The following SLC41A2 variants were observed in gnomAD, a reference collection of about 807,000 sequenced individuals.
SLC41A2 encodes the protein solute carrier family 41 member 2, also known as SLC41A1-like 1.
A neutral mutation model predicts 58.3 loss-of-function variants in SLC41A2; 32 were observed. That is an observed-to-expected ratio of 0.55 (90% CI 0.41 to 0.74). The LOEUF is 0.74. Ranked by LOEUF, SLC41A2 falls within the 30% of genes least tolerant of loss-of-function variation. The pLI, the probability that SLC41A2 is intolerant of heterozygous loss-of-function variation, is 0.00. For synonymous variants in SLC41A2, 190 were observed against 235.0 expected (o/e 0.81, Z 1.75); for missense variants, 514 against 680.6 (o/e 0.76, Z 2.72).
At chr12:104,877,230 G>T (rs2044092632) in intron 6 of SLC41A2, among the ~76,000 whole-genome samples, 1 of 152,196 alleles carries the variant, frequency 6.6e-6, no homozygotes, top group Admixed American at 6.5e-5. Flanking sequence ...GAATTTAAAT[G>T]TGCCTGTTCC....
chr12:104,819,663 C>T (rs2041549541), intron 10 of SLC41A2, among the ~76,000 whole-genome samples: 2 of 152,174 alleles, frequency 1.3e-5, no homozygotes, highest in Admixed American at 6.5e-5. Flanking sequence ...ACTCAGCATC[C>T]ATTCTCACTC....
At chr12:104,841,096 A>AT (rs2042392794) in intron 10 of SLC41A2, among the ~76,000 whole-genome samples, 1 of 152,186 alleles carries the variant, frequency 6.6e-6, no homozygotes, top group African/African-American at 2.4e-5. Context: ...ACCATCACTC[A>AT]GTTTCATCTA....
intron 6 of SLC41A2, 126 bp from the exon 7 acceptor site, chr12:104,866,705 T>C (rs2043483084): frequency 7.0e-6 from 5 of 711,796 alleles, no homozygotes; most frequent in Non-Finnish European, 6.2e-6. Context: ...GCTATACATT[T>C]TCTATAAACT....
chr12:104,891,265 G>T (rs564054102), intron 4 of SLC41A2, among the ~76,000 whole-genome samples: 1 of 151,938 alleles, frequency 6.6e-6, no homozygotes, highest in Non-Finnish European at 1.5e-5. Flanking sequence ...ATGGCAACTA[G>T]AATCAGTGAA....
intron 3 of SLC41A2, among the ~76,000 whole-genome samples, chr12:104,898,480 A>C (rs905221280): frequency 6.6e-6 from 1 of 151,990 alleles, no homozygotes; most frequent in Admixed American, 6.6e-5. Flanking sequence ...TAAATACTTG[A>C]AACAAAGGTA....
chr12:104,866,406 AC>A, intron 7 of SLC41A2, 25 bp downstream of exon 7: 1 of 1,602,294 alleles, frequency 6.2e-7, no homozygotes, highest in Non-Finnish European at 8.5e-7. Flanking sequence ...ACACACACAC[AC>A]ACACACACAT....
chr12:104,806,438 C>T (rs2040906625), intron 10 of SLC41A2, among the ~76,000 whole-genome samples: 1 of 152,130 alleles, frequency 6.6e-6, no homozygotes, highest in Non-Finnish European at 1.5e-5. Context: ...TGTATATGTG[C>T]CACATTTTCT....
intron 1 of SLC41A2, among the ~76,000 whole-genome samples, chr12:104,933,456 T>C (rs926887760): frequency 6.6e-6 from 1 of 152,186 alleles, no homozygotes; most frequent in East Asian, 1.9e-4. Flanking sequence ...ACAGCCTCTA[T>C]GGAAAATAGT....
chr12:104,828,178 C>T (rs563010515), intron 10 of SLC41A2, among the ~76,000 whole-genome samples: 3 of 152,244 alleles, frequency 2.0e-5, no homozygotes, highest in East Asian at 1.9e-4. Flanking sequence ...AGGAACACAC[C>T]GACAGGCACC....
intron 1 of SLC41A2, among the ~76,000 whole-genome samples, chr12:104,942,106 T>C (rs4964116): frequency 0.38 from 57,802 of 151,892 alleles, 11,761 homozygotes; most frequent in South Asian, 0.57. Flanking sequence ...GTATATTTAT[T>C]CCCCCTACTC....
intron 2 of SLC41A2, among the ~76,000 whole-genome samples, 168 bp from the exon 3 acceptor site, chr12:104,909,930 G>A (rs770489899): frequency 3.1e-4 from 47 of 152,162 alleles, no homozygotes; most frequent in Non-Finnish European, 1.6e-4. Context: ...ATTCTCCTGA[G>A]CTCTGAAGCT....
At chr12:104,850,191 A>G (rs1406500582) in intron 8 of SLC41A2, among the ~76,000 whole-genome samples, 2 of 152,202 alleles carry the variant, frequency 1.3e-5, no homozygotes, top group Non-Finnish European at 2.9e-5. Flanking sequence ...GAAGCAAAAT[A>G]GATTTCCCTC....
intron 8 of SLC41A2, among the ~76,000 whole-genome samples, chr12:104,848,392 G>A (rs2042684215): frequency 6.6e-6 from 1 of 151,748 alleles, no homozygotes; most frequent in Non-Finnish European, 1.5e-5. Flanking sequence ...ATGATCTAAG[G>A]CTCACATCTT....
intron 3 of SLC41A2, among the ~76,000 whole-genome samples, chr12:104,901,228 G>T (rs1414682829): frequency 6.6e-6 from 1 of 151,818 alleles, no homozygotes; most frequent in Non-Finnish European, 1.5e-5. Flanking sequence ...TTAGGGCAGT[G>T]AACATAATTT....
At chr12:104,951,117 C>T (rs1306803502) in intron 1 of SLC41A2, among the ~76,000 whole-genome samples, 1 of 152,100 alleles carries the variant, frequency 6.6e-6, no homozygotes, top group Non-Finnish European at 1.5e-5. Flanking sequence ...TAAACTTTTT[C>T]AAATGGATTC....
intron 6 of SLC41A2, among the ~76,000 whole-genome samples, chr12:104,868,993 C>T (rs2043620687): frequency 6.6e-6 from 1 of 152,142 alleles, no homozygotes; most frequent in Non-Finnish European, 1.5e-5. Flanking sequence ...TGAGGAATAA[C>T]TGCTAAAGTA....
At chr12:104,910,638 C>T (rs924634322) in intron 2 of SLC41A2, among the ~76,000 whole-genome samples, 4 of 152,050 alleles carry the variant, frequency 2.6e-5, no homozygotes, top group Non-Finnish European at 5.9e-5. Flanking sequence ...ATACCCTCTT[C>T]CCTTTAAAAT....
intron 10 of SLC41A2, among the ~76,000 whole-genome samples, chr12:104,842,038 G>A (rs565063380): frequency 1.3e-5 from 2 of 152,088 alleles, no homozygotes; most frequent in Admixed American, 6.5e-5. Flanking sequence ...CTTGGACCAA[G>A]GTTTTGAATA....
intron 1 of SLC41A2, among the ~76,000 whole-genome samples, chr12:104,938,557 T>C (rs1303857246): frequency 2.6e-5 from 4 of 152,184 alleles, no homozygotes; most frequent in Non-Finnish European, 4.4e-5. Flanking sequence ...AATTCAGCTA[T>C]GTCTCTTTGC....
Sources: allele counts gnomAD v4.1 joint callset (sites outside exome capture counted in the v4.1 genomes callset), GRCh38; gene constraint gnomAD v4.1.1; transcripts MANE v1.5; gene names NCBI Gene and HGNC (gene_info 2026-07-23, HGNC 2026-07-21).